Variants in HTR1F observed in about 807,000 individuals in gnomAD.
HTR1F encodes 5-hydroxytryptamine (serotonin) receptor 1F, G protein-coupled.
HTR1F carries 17 observed loss-of-function variants against 24.0 expected under a neutral mutation model. The observed-to-expected ratio is 0.71, with a 90% CI of 0.48 to 1.06. The LOEUF (loss-of-function observed/expected upper bound fraction) is 1.06, where lower values mean the gene tolerates loss of function less well. Among genes scored for constraint, HTR1F ranks in the 50% least tolerant of loss-of-function variants. The pLI is 0.00. For missense variants in HTR1F, 391 were observed against 427.8 expected, an observed-to-expected ratio of 0.91 and a Z score of 0.76; for synonymous variants, 186 against 156.8, an observed-to-expected ratio of 1.19 and a Z score of -1.39.
At chr3:87,931,904 T>G (rs1434393250) in intron 2 of HTR1F, among the ~76,000 whole-genome samples, 7 of 151,874 alleles carry the variant, frequency 4.6e-5, no homozygotes, top group African/African-American at 1.7e-4. Context: ...TGTTTTTTTC[T>G]TGTAAATTTG....
chr3:87,849,121 T>C (rs1321877828), intron 2 of HTR1F, among the ~76,000 whole-genome samples: 1 of 151,466 alleles, frequency 6.6e-6, no homozygotes, highest in Non-Finnish European at 1.5e-5. Flanking sequence ...AAAGTTCATA[T>C]GGAACCAAAA....
At chr3:87,906,579 G>A (rs1703671879) in intron 2 of HTR1F, among the ~76,000 whole-genome samples, 1 of 151,592 alleles carries the variant, frequency 6.6e-6, no homozygotes, top group African/African-American at 2.4e-5. Flanking sequence ...GGTAACAGGT[G>A]GTATTTGGTT....
chr3:87,839,608 G>T (rs1244719443), intron 2 of HTR1F, among the ~76,000 whole-genome samples: 6 of 151,322 alleles, frequency 4.0e-5, no homozygotes, highest in African/African-American at 9.7e-5. Flanking sequence ...TTTTTTGTTT[G>T]TTTTTTTTCA....
intron 2 of HTR1F, among the ~76,000 whole-genome samples, chr3:87,921,486 T>C (rs1704011197): frequency 6.6e-6 from 1 of 151,962 alleles, no homozygotes; most frequent in Non-Finnish European, 1.5e-5. Context: ...TACAATGTGA[T>C]AGGTATATCC....
At chr3:87,929,168 T>A (rs1704199065) in intron 2 of HTR1F, among the ~76,000 whole-genome samples, 1 of 152,200 alleles carries the variant, frequency 6.6e-6, no homozygotes, top group Non-Finnish European at 1.5e-5. Flanking sequence ...CCTTACATGA[T>A]GTTGGTAGCT....
intron 2 of HTR1F, among the ~76,000 whole-genome samples, chr3:87,957,102 C>T (rs1704960927): frequency 6.6e-6 from 1 of 151,244 alleles, no homozygotes. Context: ...ATAAATGCCT[C>T]TTATCAGATG....
At chr3:87,986,112 T>G (rs1345856543) in intron 2 of HTR1F, among the ~76,000 whole-genome samples, 1 of 152,172 alleles carries the variant, frequency 6.6e-6, no homozygotes, top group East Asian at 1.9e-4. Flanking sequence ...GGGACATATG[T>G]AGCATACTCT....
At chr3:87,817,106 A>G (rs1475796439) in intron 1 of HTR1F, among the ~76,000 whole-genome samples, 1 of 152,160 alleles carries the variant, frequency 6.6e-6, no homozygotes, top group Non-Finnish European at 1.5e-5. Flanking sequence ...TGCACACACA[A>G]GATATCCCAC....
chr3:87,934,334 A>G (rs1576053844), intron 2 of HTR1F, among the ~76,000 whole-genome samples: 1 of 152,234 alleles, frequency 6.6e-6, no homozygotes, highest in Non-Finnish European at 1.5e-5. Flanking sequence ...TAATCCTGTC[A>G]TATCACTAAT....
At chr3:87,879,636 TA>T (rs903528185) in intron 2 of HTR1F, among the ~76,000 whole-genome samples, 5 of 152,212 alleles carry the variant, frequency 3.3e-5, no homozygotes, top group Non-Finnish European at 7.3e-5. Context: ...TGCCAGTTTC[TA>T]AAATTCTTAA....
chr3:87,946,785 C>A (rs1433575931), intron 2 of HTR1F, among the ~76,000 whole-genome samples: 1 of 151,852 alleles, frequency 6.6e-6, no homozygotes, highest in Non-Finnish European at 1.5e-5. Context: ...GCTACCACGC[C>A]CAGCTAATTT....
chr3:87,878,134 G>A (rs983784471), intron 2 of HTR1F, among the ~76,000 whole-genome samples: 2 of 152,110 alleles, frequency 1.3e-5, no homozygotes, highest in Non-Finnish European at 2.9e-5. Flanking sequence ...AGAAATAAGA[G>A]GACTTTTGTA....
rs190562952 is a variant in HTR1F at position 87,837,432 on chromosome 3, G to A, written c.-43+15308G>A. 1.8e-4 allele frequency among the ~76,000 whole-genome samples: 27 copies of A among 152,198 alleles called. No homozygotes were observed. In the East Asian group the frequency reaches 4.2e-3, roughly 24 times the overall value. ...ACAGTTCCAGCAAAAATCTGAAATT[G>A]AGCATCATTGTAATTATTTGAAAAG... On this transcript the variant is annotated intron_variant, in intron 2 of 2. Coordinates refer to ENST00000319595, the MANE Select transcript of HTR1F (RefSeq NM_001322209.2).
intron 1 of HTR1F, among the ~76,000 whole-genome samples, chr3:87,813,542 G>T (rs1476308767): frequency 6.6e-6 from 1 of 152,168 alleles, no homozygotes; most frequent in Non-Finnish European, 1.5e-5. Flanking sequence ...GACTTTGGGG[G>T]ACCGTTGGGA....
At chr3:87,948,313 G>T (rs1576077304) in intron 2 of HTR1F, among the ~76,000 whole-genome samples, 1 of 152,032 alleles carries the variant, frequency 6.6e-6, no homozygotes, top group African/African-American at 2.4e-5. Context: ...AATTAGAAAG[G>T]CAGAGGTCAC....
chr3:87,873,131 C>CAGAGAGAGAG (rs201205553), intron 2 of HTR1F, among the ~76,000 whole-genome samples: 34 of 112,346 alleles, frequency 3.0e-4, no homozygotes, highest in African/African-American at 1.0e-3. Context: ...CACACACACA[C>CAGAGAGAGAG]ACAGAGAGAT....
At chr3:87,940,796 G>C (rs1704549495) in intron 2 of HTR1F, among the ~76,000 whole-genome samples, 1 of 152,132 alleles carries the variant, frequency 6.6e-6, no homozygotes, top group Non-Finnish European at 1.5e-5. Flanking sequence ...ATGGAACATG[G>C]GGATTTACGA....
intron 2 of HTR1F, among the ~76,000 whole-genome samples, chr3:87,861,490 G>A (rs1705317394): frequency 6.6e-6 from 1 of 151,996 alleles, no homozygotes; most frequent in African/African-American, 2.4e-5. Context: ...GCTTTTACAA[G>A]GACTGTATTT....
chr3:87,827,356 T>TCAA (rs910256754), intron 2 of HTR1F, among the ~76,000 whole-genome samples: 1 of 152,164 alleles, frequency 6.6e-6, no homozygotes, highest in African/African-American at 2.4e-5. Flanking sequence ...ATTGCCCTTA[T>TCAA]CAACTTAATT....
Sources: gnomAD v4.1 joint callset for allele counts (sites outside exome capture counted in the v4.1 genomes callset) on GRCh38, gnomAD v4.1.1 for gene constraint, MANE v1.5 for transcripts, NCBI Gene and HGNC (gene_info 2026-07-23, HGNC 2026-07-21) for gene names.